Variants in EIF4H observed in about 807,000 individuals in gnomAD.
The protein encoded by EIF4H is Williams-Beuren syndrome chromosome region 1.
EIF4H carries 8 observed loss-of-function variants against 30.6 expected under a neutral mutation model. The ratio of observed to expected loss-of-function variants is 0.26; its 90% CI spans 0.15 to 0.47. The LOEUF is 0.47. Among genes scored for constraint, EIF4H ranks in the 20% least tolerant of loss-of-function variants. The pLI is 0.99. For synonymous variants in EIF4H, 106 were observed against 122.7 expected (o/e 0.86, Z 0.90); for missense variants, 188 against 339.5 (o/e 0.55, Z 3.51).
At chr7:74,195,082 G>C (rs1169269624) in intron 6 of EIF4H, 87 bp from the exon 7 acceptor site, 1 of 1,562,558 alleles carries the variant, frequency 6.4e-7, no homozygotes, top group African/African-American at 1.4e-5. Flanking sequence ...AAGTGGGCTG[G>C]TTTGCTGACA....
intron 5 of EIF4H, 72 bp downstream of exon 5, chr7:74,190,378 T>C: frequency 2.0e-6 from 3 of 1,474,016 alleles, no homozygotes; most frequent in Non-Finnish European, 1.9e-6. Flanking sequence ...TTCTTACGAG[T>C]AGCCCGCCTG....
intron 1 of EIF4H, among the ~76,000 whole-genome samples, chr7:74,186,709 G>A (rs1156396370): frequency 1.3e-5 from 2 of 149,826 alleles, no homozygotes; most frequent in African/African-American, 4.9e-5. Flanking sequence ...GAGAGTGTTA[G>A]GTACGTCAGT....
intron 1 of EIF4H, among the ~76,000 whole-genome samples, chr7:74,180,367 T>C (rs782360530): frequency 6.6e-6 from 1 of 152,252 alleles, no homozygotes; most frequent in Non-Finnish European, 1.5e-5. Context: ...TGCTTGTGTA[T>C]GCAGCAGAAG....
chr7:74,178,845 G>A (rs1800895709), intron 1 of EIF4H, among the ~76,000 whole-genome samples: 1 of 152,178 alleles, frequency 6.6e-6, no homozygotes, highest in South Asian at 2.1e-4. Flanking sequence ...AATGTTCTTC[G>A]AAGTTTCCCC....
chr7:74,186,874 A>G (rs1197374826), intron 1 of EIF4H, among the ~76,000 whole-genome samples: 1 of 120,836 alleles, frequency 8.3e-6, no homozygotes, highest in Admixed American at 1.1e-4. Context: ...GCTGAAGTGC[A>G]GTGGTGCGAT....
intron 2 of EIF4H, among the ~76,000 whole-genome samples, chr7:74,189,172 T>C (rs1034488407): frequency 3.9e-5 from 6 of 152,126 alleles, no homozygotes; most frequent in Admixed American, 1.3e-4. Flanking sequence ...CTGCCTGTCT[T>C]TTAATTAACA....
chr7:74,190,320 A>G lies in EIF4H; in HGVS notation c.469+14A>G, dbSNP rs1554709748. The G allele has an allele frequency of 6.2e-7, 1 of 1,613,352 alleles. No homozygotes were observed. The highest frequency in any genetic ancestry group is 1.1e-5 in the South Asian group (1 of 91,060). On this transcript the variant is annotated intron_variant, in intron 5 of 6. Transcript: ENST00000265753. ...ACTTCAATTCTGGTATCAGTATTTA[A>G]AGTATCACCACTTAATTTTTCCTAG... is the stretch of plus-strand genomic sequence containing the variant.
intron 1 of EIF4H, 60 bp from the exon 2 acceptor site, chr7:74,187,551 T>C: frequency 7.0e-7 from 1 of 1,434,690 alleles, no homozygotes; most frequent in Non-Finnish European, 9.2e-7. Flanking sequence ...GAAGACCGCT[T>C]TACTTGTTTT....
chr7:74,185,137 G>A (rs1801053134), intron 1 of EIF4H, among the ~76,000 whole-genome samples: 1 of 151,748 alleles, frequency 6.6e-6, no homozygotes, highest in East Asian at 1.9e-4. Context: ...GACTACAAGT[G>A]TGGACCATCA....
intron 1 of EIF4H, among the ~76,000 whole-genome samples, chr7:74,178,748 C>T (rs1800893703): frequency 6.6e-6 from 1 of 152,104 alleles, no homozygotes; most frequent in Non-Finnish European, 1.5e-5. Flanking sequence ...ACCTGCACAC[C>T]CGGGCATGAA....
rs530282320 is a variant in EIF4H, at chr7:74,175,725, G to GTT, written c.59+1295_59+1296dup. Among the ~76,000 whole-genome samples the GTT allele has an allele frequency of 3.6e-3, 524 of 143,758 alleles. 3 individuals carry two copies. The highest frequency in any genetic ancestry group is 0.013 in the African/African-American group (517 of 39,816). 94.3% of individuals were successfully genotyped at this position (143,758 alleles called of 152,430 possible). On this transcript the variant is annotated intron_variant, in intron 1 of 6. Coordinates refer to ENST00000265753, the MANE Select transcript of EIF4H (RefSeq NM_022170.2). ...GTCATTTCGAAATTTAATAACTAGGGTTTTTTTTTTTTTCCTAGTTCCAAA... is the reference window on the plus strand; with the variant it reads ...GTCATTTCGAAATTTAATAACTAGGGTTTTTTTTTTTTTTTCCTAGTTCCAAA...
intron 1 of EIF4H, among the ~76,000 whole-genome samples, chr7:74,179,428 C>A (rs1800908761): frequency 6.6e-6 from 1 of 151,932 alleles, no homozygotes; most frequent in Admixed American, 6.6e-5. Flanking sequence ...GGTCAGTAGT[C>A]TGAGACCAGC....
In EIF4H at chr7:74,195,712, T is replaced by A. The variant is rs568324188; in HGVS notation, c.*404T>A. 14 of 165,348 alleles carry A rather than the reference T, an allele frequency of 8.5e-5. No individual in the cohort carries two copies. In the South Asian group the frequency reaches 1.2e-3, roughly 14 times the overall value. 10.2% of individuals were successfully genotyped at this position (165,348 alleles called of 1,614,324 possible). A position where few individuals can be genotyped will look rare whatever the true frequency, so the allele number is the denominator to read the frequency against. On this transcript the variant is annotated 3_prime_UTR_variant, in exon 7 of 7. Coordinates refer to ENST00000265753, the MANE Select transcript of EIF4H (RefSeq NM_022170.2). ...AGACACTGGCCCAACTCCAGGCGTT[T>A]CCTTTCATTCCCTCAGTGCTTCTCT... is the stretch of plus-strand genomic sequence containing the variant.
intron 1 of EIF4H, among the ~76,000 whole-genome samples, chr7:74,183,641 C>T (rs1554708803): frequency 1.3e-5 from 2 of 152,170 alleles, no homozygotes; most frequent in South Asian, 2.1e-4. Flanking sequence ...GTAGTAGTCC[C>T]CCAAACTTGA....
Position 74,189,845 on chromosome 7 carries a change from T to G in EIF4H, c.336T>G (p.Arg112=), listed in dbSNP as rs1554709652. The change falls in exon 4 of 7, where the codon CGT becomes CGG. Residue 112 remains arginine, a synonymous_variant. Coordinates refer to ENST00000265753, the MANE Select transcript of EIF4H (RefSeq NM_022170.2). ...DGALLGDRSL[R]VDIAEGRKQD... is the part of the protein sequence containing the mutation. ...AGCTGTTGGGCGATCGGTCACTTCG[T>G]GTGGACATTGCAGAAGGCAGAAAAC... 1 of 1,614,188 alleles carries G rather than the reference T, an allele frequency of 6.2e-7. No individual in the cohort carries two copies. Among genetic ancestry groups the G allele is most frequent in the South Asian group, 1.1e-5 (1 of 91,090 alleles).
At chr7:74,183,335 T>G (rs1180657019) in intron 1 of EIF4H, among the ~76,000 whole-genome samples, 5 of 152,174 alleles carry the variant, frequency 3.3e-5, no homozygotes, top group African/African-American at 1.2e-4. Flanking sequence ...GCTGATCTGT[T>G]CCTGTTCTAC....
At position 74,179,631 on chromosome 7, in the gene EIF4H, C is replaced by CAAAAA. The variant is rs34502000; in HGVS notation, c.59+5202_59+5206dup. On this transcript the variant is annotated intron_variant, in intron 1 of 6. Transcript: ENST00000265753. Reference sequence around the variant, plus strand: ...TGGGCGACAGGGTGAGACTCTGTATCAAAAAAAAAAAAAAAAAGTCACTTT... The same window carrying CAAAAA: ...TGGGCGACAGGGTGAGACTCTGTATCAAAAAAAAAAAAAAAAAAAAAAGTCACTTT... Among the ~76,000 whole-genome samples, 16 of 128,034 alleles carry CAAAAA rather than the reference C, an allele frequency of 1.2e-4. 1 individual carries two copies. The highest frequency in any genetic ancestry group is 4.0e-4 in the Admixed American group (5 of 12,536). The allele number at this position is 128,034 out of a possible 152,430, so 84.0% of individuals were successfully genotyped here. A position where few individuals can be genotyped will look rare whatever the true frequency, so the allele number is the denominator to read the frequency against.
chr7:74,179,882 T>C (rs1554708194), intron 1 of EIF4H, among the ~76,000 whole-genome samples: 1 of 152,152 alleles, frequency 6.6e-6, no homozygotes, highest in Non-Finnish European at 1.5e-5. Context: ...TCCGAAACTC[T>C]TTTTTGCTTG....
chr7:74,183,667 G>A (rs1357182700), intron 1 of EIF4H, among the ~76,000 whole-genome samples: 3 of 152,180 alleles, frequency 2.0e-5, no homozygotes, highest in Admixed American at 6.5e-5. Context: ...GTGAAAGGTG[G>A]CAGACATTTT....
Sources: allele counts gnomAD v4.1 joint callset (sites outside exome capture counted in the v4.1 genomes callset), GRCh38; gene constraint gnomAD v4.1.1; transcripts MANE v1.5; gene names NCBI Gene and HGNC (gene_info 2026-07-23, HGNC 2026-07-21).